Variants in CACNA1G observed in about 807,000 individuals in gnomAD.
The protein encoded by CACNA1G is voltage-dependent T-type calcium channel subunit alpha-1G.
In CACNA1G, 67 loss-of-function variants were observed where a neutral mutation model predicts 219.4. The observed-to-expected ratio is 0.31, with a 90% CI of 0.25 to 0.37. The LOEUF (loss-of-function observed/expected upper bound fraction) is 0.37. Among genes scored for constraint, CACNA1G ranks in the 10% least tolerant of loss-of-function variants. The probability of loss-of-function intolerance (pLI) is 1.00; values close to 1 mark genes in which losing one functional copy is unlikely to be tolerated. For synonymous variants in CACNA1G, 1,296 were observed against 1,345.3 expected, an observed-to-expected ratio of 0.96 and a Z score of 0.80; for missense variants, 2,380 against 3,231.4, an observed-to-expected ratio of 0.74 and a Z score of 6.39.
At position 50,609,079 on chromosome 17, in the gene CACNA1G, G is replaced by T. The variant is rs149718156; in HGVS notation, c.4706-803G>T. ...TTCCGCCGATAAGATGGGTGCGGTG[G>T]CCTGAGTTTTCCTTTGGTGTGTTCA... is the stretch of plus-strand genomic sequence containing the variant. On this transcript the variant is annotated intron_variant, in intron 25 of 37. Coordinates refer to ENST00000359106, the MANE Select transcript of CACNA1G (RefSeq NM_018896.5). 2.2e-4 allele frequency among the ~76,000 whole-genome samples: 34 copies of T among 152,246 alleles called. No homozygotes were observed. The East Asian group carries it at 5.4e-3, about 24-fold the overall frequency.
chr17:50,603,002 C>T lies in CACNA1G; in HGVS notation c.3985-13C>T, dbSNP rs763631938. 2.2e-5 allele frequency: 36 copies of T among 1,609,756 alleles called. No individual in the cohort carries two copies. The highest frequency in any genetic ancestry group is 3.3e-4 in the Middle Eastern group (2 of 6,042). On this transcript the variant is annotated splice_polypyrimidine_tract_variant and intron_variant, in intron 20 of 37. Coordinates refer to ENST00000359106, the MANE Select transcript of CACNA1G (RefSeq NM_018896.5). The surrounding 1 kb of genome is among the most constrained non-coding windows in gnomAD (Gnocchi z 6.4). ...GCAGGGAGGGCGGCCGATGACGTGG[C>T]GGTGGTCCCCAGGTGGTGGCACTGG...
rs2158408 is a variant in CACNA1G at position 50,603,296 on chromosome 17, T to A, written c.4169+97T>A. 1 of 1,066,546 alleles carries A rather than the reference T, an allele frequency of 9.4e-7. No homozygotes were observed. Among genetic ancestry groups the A allele is most frequent in the East Asian group, 2.6e-5 (1 of 38,532 alleles). The allele number at this position is 1,066,546 out of a possible 1,614,324, so 66.1% of individuals were successfully genotyped here. The stretch of plus-strand genomic sequence containing the variant: ...CACTCCCTGCCACGAAACAAAAGCC[T>A]GCACAGGCCAGCATCCTGTCTGTGA... On this transcript the variant is annotated intron_variant, in intron 21 of 37. Transcript: ENST00000359106. The surrounding 1 kb of genome is among the most constrained non-coding windows in gnomAD (Gnocchi z 6.4).
intron 33 of CACNA1G, 105 bp from the exon 34 acceptor site, chr17:50,619,578 C>A: frequency 9.7e-7 from 1 of 1,030,898 alleles, no homozygotes; most frequent in Non-Finnish European, 1.4e-6. Context: ...TCACCTCTTT[C>A]TCCTCTGTTT....
chr17:50,607,000 G>A lies in CACNA1G; in HGVS notation c.4512+11G>A. On this transcript the variant is annotated intron_variant, in intron 24 of 37. Transcript: ENST00000359106. ...GGCGTGGACCAGCAGGTAGGGCTGA[G>A]GTGGGCAGGATCCATCTGTGGGCTC... 6.2e-7 allele frequency: 1 copy of A among 1,605,998 alleles called. No homozygotes were observed. Among genetic ancestry groups the A allele is most frequent in the Non-Finnish European group, 8.5e-7 (1 of 1,172,606 alleles).
chr17:50,613,632 C>T (rs925476569), intron 26 of CACNA1G, among the ~76,000 whole-genome samples: 5 of 152,232 alleles, frequency 3.3e-5, no homozygotes, highest in African/African-American at 1.2e-4. Flanking sequence ...AATAAGGAGC[C>T]GCTTTTTCTA....
In CACNA1G at chr17:50,619,719, C is replaced by CA; in HGVS notation, c.5819dup (p.Ser1942LeufsTer39). ...GTTTGACACCATATCCCTGCTGATC[C>CA]AGGGCTCCCTGGAGTGGGAGCTGAA... On this transcript the variant is annotated frameshift_variant, in exon 34 of 38. Coordinates refer to ENST00000359106, the MANE Select transcript of CACNA1G (RefSeq NM_018896.5). LOFTEE classifies it high-confidence loss of function. 3 of 1,610,794 alleles carry CA rather than the reference C, an allele frequency of 1.9e-6. No homozygotes were observed. Among genetic ancestry groups the CA allele is most frequent in the Non-Finnish European group, 2.5e-6 (3 of 1,179,426 alleles).
In CACNA1G at chr17:50,578,642, C is replaced by A. The variant is rs1255613105; in HGVS notation, c.2301+78C>A. ...TGGGGCCTTCTACCTCCCTCCGCAC[C>A]CCTCCTCCTGAGCTCAGCTTCCTCT... On this transcript the variant is annotated intron_variant, in intron 9 of 37. Coordinates refer to ENST00000359106, the MANE Select transcript of CACNA1G (RefSeq NM_018896.5). This position sits in a 1 kb window ranked among gnomAD's most constrained non-coding sequence, Gnocchi z 4.5. The A allele has an allele frequency of 7.1e-7, 1 of 1,401,858 alleles. No individual in the cohort carries two copies. 86.8% of individuals were successfully genotyped at this position (1,401,858 alleles called of 1,614,324 possible). A position where few individuals can be genotyped will look rare whatever the true frequency, so the allele number is the denominator to read the frequency against.
At position 50,607,813 on chromosome 17, in the gene CACNA1G, C is replaced by T. The variant is rs1334997504; in HGVS notation, c.4513-14C>T. 1.9e-6 allele frequency: 3 copies of T among 1,612,132 alleles called. No individual in the cohort carries two copies. The highest frequency in any genetic ancestry group is 2.5e-6 in the Non-Finnish European group (3 of 1,179,006). ...GGGCTGATGCCTCCGCCTGTCCTTC[C>T]TGCTCCCCGCCAGCCCATCATGAAC... On this transcript the variant is annotated splice_polypyrimidine_tract_variant and intron_variant, in intron 24 of 37. Transcript: ENST00000359106.
chr17:50,626,357 A>G lies in CACNA1G; in HGVS notation c.6740A>G (p.Tyr2247Cys). Reference sequence around the variant, plus strand: ...TCCCCACGGGACCTGAAGAAGTGCTACAGCGTGGAGGCCCAGAGCTGCCAG... The same window carrying G: ...TCCCCACGGGACCTGAAGAAGTGCTGCAGCGTGGAGGCCCAGAGCTGCCAG... Reference protein sequence around the residue: ...PPSPRDLKKCYSVEAQSCQRR... With the variant: ...PPSPRDLKKCCSVEAQSCQRR... Residue 2247 changes from tyrosine (Y) to cysteine (C), a missense_variant, in exon 38 of 38, where the codon TAC (tyrosine) becomes TGC (cysteine). Tyr to Cys is a radical substitution (Grantham distance 194). Around this residue, in one of 17 missense-constraint regions of CACNA1G, gnomAD observed 672 missense variants for 670.5 expected, o/e 1.00. Transcript: ENST00000359106. The surrounding 1 kb of genome is among the most constrained non-coding windows in gnomAD (Gnocchi z 4.3). The G allele has an allele frequency of 6.2e-7, 1 of 1,612,842 alleles. No individual in the cohort carries two copies. Among genetic ancestry groups the G allele is most frequent in the South Asian group, 1.1e-5 (1 of 91,076 alleles).
chr17:50,583,761 G>C (rs2042444120), intron 9 of CACNA1G, among the ~76,000 whole-genome samples: 1 of 152,188 alleles, frequency 6.6e-6, no homozygotes, highest in Non-Finnish European at 1.5e-5. Context: ...TGCTCTGAAG[G>C]ACAGTCAGGT....
At chr17:50,588,263 G>A (rs971985914) in intron 9 of CACNA1G, among the ~76,000 whole-genome samples, 10 of 88,586 alleles carry the variant, frequency 1.1e-4, no homozygotes, top group African/African-American at 4.2e-4. Flanking sequence ...CACCATCACC[G>A]TGGCTTGGTT....
In CACNA1G at chr17:50,578,375, C is replaced by T; in HGVS notation, c.2112C>T (p.Asp704=). 1 of 1,613,324 alleles carries T rather than the reference C, an allele frequency of 6.2e-7. No homozygotes were observed. Among genetic ancestry groups the T allele is most frequent in the South Asian group, 1.1e-5 (1 of 91,074 alleles). The change falls in exon 9 of 38, where the codon GAC becomes GAT. Residue 704 remains aspartate, a synonymous_variant. Coordinates refer to ENST00000359106, the MANE Select transcript of CACNA1G (RefSeq NM_018896.5). This position sits in a 1 kb window ranked among gnomAD's most constrained non-coding sequence, Gnocchi z 4.5. ...TCACACAGGATGCCCAGCACAGCGA[C>T]CTCCGGGACCCCCACAGCCGGCGGC... is the stretch of plus-strand genomic sequence containing the variant. ...YEFTQDAQHS[D]LRDPHSRRQR...
intron 4 of CACNA1G, among the ~76,000 whole-genome samples, chr17:50,570,938 G>A (rs538857087): frequency 6.6e-6 from 1 of 152,182 alleles, no homozygotes; most frequent in Admixed American, 6.5e-5. Context: ...CCCTGGAGGG[G>A]CCAGGGGGCC....
chr17:50,575,796 T>C lies in CACNA1G; in HGVS notation c.1394T>C (p.Leu465Pro). ...GCAGCAGGTGTGCGGGTTGGGCTGC[T>C]CAGCAGCCCAGCACCCCTCGGGGGC... The part of the protein sequence containing the change: ...SRAAGVRVGL[L>P]SSPAPLGGQE... The change falls in exon 8 of 38, where the codon CTC becomes CCC. Residue 465 changes from leucine (L) to proline (P), a missense_variant. Transcript: ENST00000359106. 1 of 1,552,972 alleles carries C rather than the reference T, an allele frequency of 6.4e-7. No individual in the cohort carries two copies. The highest frequency in any genetic ancestry group is 8.7e-7 in the Non-Finnish European group (1 of 1,148,378).
intron 35 of CACNA1G, 130 bp from the exon 36 acceptor site, chr17:50,623,777 C>A: frequency 1.1e-6 from 1 of 916,804 alleles, no homozygotes; most frequent in Non-Finnish European, 1.7e-6. Flanking sequence ...CCATCTCTAC[C>A]TTGTCCTGGG....
At position 50,601,112 on chromosome 17, in the gene CACNA1G, A is replaced by G; in HGVS notation, c.3853A>G (p.Ile1285Val). 18 of 1,613,894 alleles carry G rather than the reference A, an allele frequency of 1.1e-5. No homozygotes were observed. The highest frequency in any genetic ancestry group is 1.5e-5 in the Non-Finnish European group (18 of 1,179,850). ...HKMFDHVVLV[I>V]IFLNCITIAM... ...GATGTTCGACCACGTGGTCCTTGTC[A>G]TCATCTTCCTTAACTGCATCACCAT... is the stretch of plus-strand genomic sequence containing the variant. The change falls in exon 19 of 38, where the codon ATC becomes GTC. Residue 1285 changes from isoleucine to valine, a missense_variant. Ile to Val is a conservative substitution (Grantham distance 29). Around this residue, in one of 17 missense-constraint regions of CACNA1G, gnomAD observed 153 missense variants for 374.9 expected, o/e 0.41. Transcript: ENST00000359106.
At chr17:50,581,602 A>C (rs2041981163) in intron 9 of CACNA1G, among the ~76,000 whole-genome samples, 1 of 151,778 alleles carries the variant, frequency 6.6e-6, no homozygotes, top group Non-Finnish European at 1.5e-5. Context: ...GTGATACCCC[A>C]CCCCGCCCGG....
intron 22 of CACNA1G, among the ~76,000 whole-genome samples, chr17:50,605,690 G>A (rs771991017): frequency 5.3e-5 from 8 of 152,170 alleles, no homozygotes; most frequent in Non-Finnish European, 1.0e-4. Context: ...TGCCCGCCCC[G>A]ATTACCTTTC....
rs1260515329 is a variant in CACNA1G at position 50,610,039 on chromosome 17, C to T, written c.4759+104C>T. 2.5e-6 allele frequency: 3 copies of T among 1,193,326 alleles called. No individual in the cohort carries two copies. In the African/African-American group the frequency reaches 4.6e-5, roughly 18 times the overall value. The allele number at this position is 1,193,326 out of a possible 1,614,324, so 73.9% of individuals were successfully genotyped here. Reference sequence around the variant, plus strand: ...TCTTGGGGTGAAAGGGTGAGGGTCCCTGGGGCCCCCAAGAGGGCAGGGGCT... The same window carrying T: ...TCTTGGGGTGAAAGGGTGAGGGTCCTTGGGGCCCCCAAGAGGGCAGGGGCT... On this transcript the variant is annotated intron_variant, in intron 26 of 37. Transcript: ENST00000359106.
Sources: gnomAD v4.1 joint callset for allele counts (sites outside exome capture counted in the v4.1 genomes callset) on GRCh38, gnomAD v4.1.1 for gene constraint, gnomAD v4.1.1 regional missense constraint, Gnocchi (gnomAD v3.1) non-coding constraint, MANE v1.5 for transcripts, NCBI Gene and HGNC (gene_info 2026-07-23, HGNC 2026-07-21) for gene names.